Variants in SERPINA1 observed in about 807,000 individuals in gnomAD.
SERPINA1 encodes serpin family A member 1.
SERPINA1 carries 21 observed loss-of-function variants against 25.4 expected under a neutral mutation model. The observed-to-expected ratio is 0.83, with a 90% CI of 0.59 to 1.19. The LOEUF is 1.19. Ranked by LOEUF, SERPINA1 falls within the 50% of genes most tolerant of loss-of-function variation. The pLI is 0.00. For synonymous variants in SERPINA1, 218 were observed against 211.1 expected (o/e 1.03, Z -0.29); for missense variants, 546 against 509.0 (o/e 1.07, Z -0.70).
At position 94,378,088 on chromosome 14, in the gene SERPINA1, T is replaced by A. The variant is rs940793316; in HGVS notation, c.*361A>T. The stretch of plus-strand genomic sequence containing the variant: ...AGATGCTTGGTGGAGCCTGGGGTCA[T>A]GGCTGGTATCTGGTTCCTCCCCTGT... On this transcript the variant is annotated 3_prime_UTR_variant, in exon 5 of 5. Coordinates refer to ENST00000393087, the MANE Select transcript of SERPINA1 (RefSeq NM_000295.5). The A allele has an allele frequency of 3.5e-6, 1 of 288,838 alleles. No individual in the cohort carries two copies. Among genetic ancestry groups the A allele is most frequent in the East Asian group, 8.1e-5 (1 of 12,272 alleles). The allele number at this position is 288,838 out of a possible 1,614,324, so 17.9% of individuals were successfully genotyped here. A position where few individuals can be genotyped will look rare whatever the true frequency, so the allele number is the denominator to read the frequency against.
Position 94,379,607 on chromosome 14 carries a change from C to A in SERPINA1, c.922G>T (p.Ala308Ser), listed in dbSNP as rs141620200. 5,162 of 1,613,904 alleles carry A rather than the reference C, an allele frequency of 3.2e-3. 14 individuals are homozygous for A. The highest frequency in any genetic ancestry group is 4.1e-3 in the Non-Finnish European group (4,829 of 1,179,964). Reference sequence around the variant, plus strand: ...GACAGTTTGGGTAAATGTAAGCTGGCAGACCTGTCGTGCAGAAAAGAAATT... The same window carrying A: ...GACAGTTTGGGTAAATGTAAGCTGGAAGACCTGTCGTGCAGAAAAGAAATT... ...KFLENEDRRS[A>S]SLHLPKLSIT... Residue 308 changes from alanine (A) to serine (S), a missense_variant, in exon 4 of 5, where the codon GCC becomes TCC. Ala to Ser is a moderately conservative substitution (Grantham distance 99). Transcript: ENST00000393087.
At chr14:94,387,162 C>G (rs554329904) in intron 1 of SERPINA1, among the ~76,000 whole-genome samples, 1 of 152,340 alleles carries the variant, frequency 6.6e-6, no homozygotes, top group East Asian at 1.9e-4. Context: ...AGGGGAGCAT[C>G]AGTCTGTGGC....
Position 94,382,773 on chromosome 14 carries a change from C to T in SERPINA1, c.465G>A (p.Leu155=), listed in dbSNP as rs1566756880. 3.7e-6 allele frequency: 6 copies of T among 1,614,114 alleles called. No homozygotes were observed. Among genetic ancestry groups the T allele is most frequent in the Non-Finnish European group, 3.4e-6 (4 of 1,180,050 alleles). Residue 155 remains leucine, a synonymous_variant, in exon 2 of 5, where the codon TTG becomes TTA. Transcript: ENST00000393087. ...SEGLKLVDKF[L]EDVKKLYHSE... ...AGTGGTACAACTTTTTAACATCCTCCAAAAACTTATCCACTAGCTTCAGGC... is the reference window on the plus strand; with the variant it reads ...AGTGGTACAACTTTTTAACATCCTCTAAAAACTTATCCACTAGCTTCAGGC...
chr14:94,382,442 A>T, intron 2 of SERPINA1, 150 bp downstream of exon 2: 1 of 839,514 alleles, frequency 1.2e-6, no homozygotes, highest in Non-Finnish European at 1.9e-6. Context: ...AAAACATTTT[A>T]GTGTTTGTGT....
rs1405765144 is a variant in SERPINA1, at chr14:94,385,210, G to A, written c.-4-1969C>T. ...GGTTGTGGCTTCTAGCCCTGGCAGG[G>A]CCATCACTATCCACTTGGCCTTTAG... is the stretch of plus-strand genomic sequence containing the variant. On this transcript the variant is annotated intron_variant, in intron 1 of 4. Transcript: ENST00000393087. Among the ~76,000 whole-genome samples, 3 of 152,236 alleles carry A rather than the reference G, an allele frequency of 2.0e-5. No individual in the cohort carries two copies. The East Asian group carries it at 5.8e-4, about 29-fold the overall frequency.
intron 4 of SERPINA1, 59 bp from the exon 5 acceptor site, chr14:94,378,699 T>G (rs1215221830): frequency 6.3e-7 from 1 of 1,586,388 alleles, no homozygotes; most frequent in Non-Finnish European, 8.6e-7. Context: ...CGAGCAAGGC[T>G]CACGTGGACA....
chr14:94,378,116 T>C lies in SERPINA1; in HGVS notation c.*333A>G, dbSNP rs1038151832. The stretch of plus-strand genomic sequence containing the variant: ...CTGGTATCTGGTTCCTCCCCTGTGA[T>C]TCCTTCTTGGGGACTCCAAGACAGG... On this transcript the variant is annotated 3_prime_UTR_variant, in exon 5 of 5. Coordinates refer to ENST00000393087, the MANE Select transcript of SERPINA1 (RefSeq NM_000295.5). 2.9e-6 allele frequency: 1 copy of C among 341,434 alleles called. No homozygotes were observed. Among genetic ancestry groups the C allele is most frequent in the African/African-American group, 2.1e-5 (1 of 48,470 alleles). The allele number at this position is 341,434 out of a possible 1,614,324, so 21.2% of individuals were successfully genotyped here. A position where few individuals can be genotyped will look rare whatever the true frequency, so the allele number is the denominator to read the frequency against.
At chr14:94,387,898 G>A (rs1435352978) in intron 1 of SERPINA1, among the ~76,000 whole-genome samples, 1 of 152,158 alleles carries the variant, frequency 6.6e-6, no homozygotes, top group Non-Finnish European at 1.5e-5. Flanking sequence ...AGGAATGCCA[G>A]CTTGAGCCCT....
At position 94,378,640 on chromosome 14, in the gene SERPINA1, C is replaced by G. The variant is rs1896566380; in HGVS notation, c.1066G>C (p.Ala356Pro). The change falls in exon 5 of 5, where the codon GCC (alanine) becomes CCC (proline). Residue 356 changes from alanine to proline, a missense_variant and splice_region_variant. Ala to Pro is a conservative substitution (Grantham distance 27). Coordinates refer to ENST00000393087, the MANE Select transcript of SERPINA1 (RefSeq NM_000295.5). Reference sequence around the variant, plus strand: ...ATGGTCAGCACAGCCTTATGCACGGCCTGGAGGGGAGAGAAGCAGAGACAC... The same window carrying G: ...ATGGTCAGCACAGCCTTATGCACGGGCTGGAGGGGAGAGAAGCAGAGACAC... ...TEEAPLKLSKAVHKAVLTIDE... is the reference protein window; with the variant it reads ...TEEAPLKLSKPVHKAVLTIDE... The G allele has an allele frequency of 6.2e-7, 1 of 1,613,736 alleles. No homozygotes were observed. Among genetic ancestry groups the G allele is most frequent in the Non-Finnish European group, 8.5e-7 (1 of 1,179,890 alleles).
chr14:94,388,360 A>T (rs1031289498), intron 1 of SERPINA1, among the ~76,000 whole-genome samples, 200 bp downstream of exon 1: 1 of 152,130 alleles, frequency 6.6e-6, no homozygotes, highest in African/African-American at 2.4e-5. Context: ...ACCGGGCAGG[A>T]CTGGGAAACA....
chr14:94,389,833 C>G (rs1027262453), upstream of SERPINA1: 4 of 152,244 alleles, frequency 2.6e-5, no homozygotes, highest in African/African-American at 9.7e-5. Flanking sequence ...ACATTCAGAC[C>G]AGGGAACCCA....
chr14:94,382,030 G>A (rs1011519419), intron 2 of SERPINA1, among the ~76,000 whole-genome samples: 2 of 152,192 alleles, frequency 1.3e-5, no homozygotes, highest in African/African-American at 4.8e-5. Flanking sequence ...ATCACCTGCT[G>A]TATGCCACAC....
intron 1 of SERPINA1, chr14:94,384,259 C>T (rs1161779693): frequency 1.3e-5 from 2 of 152,132 alleles, no homozygotes; most frequent in Admixed American, 1.3e-4. Flanking sequence ...TCTCCCTGGT[C>T]CTCATTTTGC....
At chr14:94,378,683 A>G (rs1205135393) in intron 4 of SERPINA1, 43 bp from the exon 5 acceptor site, 3 of 1,577,642 alleles carry the variant, frequency 1.9e-6, no homozygotes, top group African/African-American at 2.9e-5. Flanking sequence ...GGCTGATCCC[A>G]GGCCTCGAGC....
Position 94,383,396 on chromosome 14 carries a change from A to T in SERPINA1, c.-4-155T>A, listed in dbSNP as rs1897101208. ...TCAGTAACACTGAAAGAATCAGAAG[A>T]ATAGCAAAATGTACGTAGTGCTTAC... On this transcript the variant is annotated intron_variant, in intron 1 of 4. Transcript: ENST00000393087. 4.1e-6 allele frequency: 3 copies of T among 734,832 alleles called. No homozygotes were observed. The Admixed American group carries it at 6.9e-5, about 17-fold the overall frequency. 45.5% of individuals were successfully genotyped at this position (734,832 alleles called of 1,614,324 possible).
At chr14:94,379,983 A>C (rs1407194285) in intron 3 of SERPINA1, among the ~76,000 whole-genome samples, 1 of 139,168 alleles carries the variant, frequency 7.2e-6, no homozygotes, top group Admixed American at 7.4e-5. Flanking sequence ...ACAACCGTTT[A>C]GTGGATAAGA....
intron 1 of SERPINA1, among the ~76,000 whole-genome samples, chr14:94,385,469 C>T (rs56019009): frequency 0.17 from 25,703 of 152,256 alleles, 2,503 homozygotes; most frequent in Admixed American, 0.27. Context: ...GCTGGGATTA[C>T]AGGCGTGTGC....
Position 94,383,260 on chromosome 14 carries a change from G to C in SERPINA1, c.-4-19C>G. 6 of 1,605,150 alleles carry C rather than the reference G, an allele frequency of 3.7e-6. No homozygotes were observed. The highest frequency in any genetic ancestry group is 5.1e-6 in the Non-Finnish European group (6 of 1,177,706). ...CATTGTCCTGCAAGACAGAGATGGG[G>C]GGGCCAGGCCCCGAGTCAAGGCACA... On this transcript the variant is annotated intron_variant, in intron 1 of 4. Transcript: ENST00000393087.
intron 3 of SERPINA1, chr14:94,380,644 CCTT>C (rs1285132452): frequency 5.0e-6 from 3 of 603,638 alleles, no homozygotes; most frequent in Non-Finnish European, 8.9e-6. Flanking sequence ...AGGGACGAGA[CCTT>C]TACCTCCTCA....
Sources: allele counts gnomAD v4.1 joint callset (sites outside exome capture counted in the v4.1 genomes callset), GRCh38; gene constraint gnomAD v4.1.1; transcripts MANE v1.5; gene names NCBI Gene and HGNC (gene_info 2026-07-23, HGNC 2026-07-21).